Variants in PLEKHG5 observed in about 807,000 individuals in gnomAD.
The protein encoded by PLEKHG5 is pleckstrin homology and RhoGEF domain containing G5.
A neutral mutation model predicts 103.8 loss-of-function variants in PLEKHG5; 52 were observed. The observed-to-expected ratio is 0.50, with a 90% CI of 0.40 to 0.63. The LOEUF is 0.63. PLEKHG5 is among the 30% of genes least tolerant of loss of function. The probability of loss-of-function intolerance (pLI) is 0.00; values close to 1 mark genes in which losing one functional copy is unlikely to be tolerated. For synonymous variants in PLEKHG5, 592 were observed against 575.5 expected (o/e 1.03, Z -0.41); for missense variants, 1,205 against 1,347.6 (o/e 0.89, Z 1.66).
chr1:6,519,354 C>T (rs1217060870), intron 1 of PLEKHG5: 7 of 1,002,430 alleles, frequency 7.0e-6, no homozygotes, highest in Non-Finnish European at 1.1e-5. Context: ...AGTGTGAGTC[C>T]TTGGAGCCCT....
At chr1:6,517,332 A>G (rs1356311414) in intron 1 of PLEKHG5, among the ~76,000 whole-genome samples, 1 of 151,066 alleles carries the variant, frequency 6.6e-6, no homozygotes, top group African/African-American at 2.4e-5. Context: ...AAAAGATACA[A>G]CCAAGCATAT....
chr1:6,481,774 G>A, intron 1 of PLEKHG5, among the ~76,000 whole-genome samples: 1 of 150,614 alleles, frequency 6.6e-6, no homozygotes, highest in South Asian at 2.1e-4. Flanking sequence ...TGAGGCAGGA[G>A]AATTGTTTGA....
chr1:6,515,526 CA>C (rs369698031), intron 1 of PLEKHG5, among the ~76,000 whole-genome samples: 33 of 142,062 alleles, frequency 2.3e-4, no homozygotes, highest in East Asian at 1.4e-3. Flanking sequence ...GACACTGTCT[CA>C]AAAAAAAAAA....
At chr1:6,474,272 C>G in intron 6 of PLEKHG5, 108 bp from the exon 7 acceptor site, 1 of 1,422,688 alleles carries the variant, frequency 7.0e-7, no homozygotes, top group South Asian at 1.2e-5. Flanking sequence ...CTGCCCTCCC[C>G]CGACAGCCCC....
At chr1:6,518,149 G>T (rs1004641175) in intron 1 of PLEKHG5, among the ~76,000 whole-genome samples, 1 of 151,448 alleles carries the variant, frequency 6.6e-6, no homozygotes. Context: ...AGCCAGGATG[G>T]TCTTGATCTC....
chr1:6,509,471 G>A (rs897651101), intron 1 of PLEKHG5, among the ~76,000 whole-genome samples: 7 of 152,230 alleles, frequency 4.6e-5, no homozygotes, highest in South Asian at 2.1e-4. Flanking sequence ...GCAAGGTCTC[G>A]CTGAGTAAGG....
intron 1 of PLEKHG5, among the ~76,000 whole-genome samples, chr1:6,488,521 G>A (rs1243594626): frequency 2.6e-5 from 4 of 152,224 alleles, no homozygotes; most frequent in African/African-American, 4.8e-5. Flanking sequence ...GGGTCAGGGC[G>A]GATCACCAGA....
chr1:6,513,958 C>T (rs763710687), intron 1 of PLEKHG5, among the ~76,000 whole-genome samples: 4 of 152,224 alleles, frequency 2.6e-5, no homozygotes, highest in African/African-American at 4.8e-5. Context: ...ACAGAGGAGG[C>T]TGTTTCCTGA....
At chr1:6,479,001 A>C (rs184224251) in intron 1 of PLEKHG5, among the ~76,000 whole-genome samples, 2 of 151,086 alleles carry the variant, frequency 1.3e-5, no homozygotes, top group South Asian at 2.1e-4. Context: ...TGACATCCAC[A>C]TGCCCTCTGG....
chr1:6,499,017 G>A (rs1645266451), upstream of PLEKHG5, among the ~76,000 whole-genome samples: 1 of 152,228 alleles, frequency 6.6e-6, no homozygotes, highest in Admixed American at 6.5e-5. Flanking sequence ...ACGGGGACCT[G>A]GAGCCCTCAG....
intron 5 of PLEKHG5, 100 bp downstream of exon 5, chr1:6,474,947 C>T: frequency 1.2e-6 from 1 of 834,854 alleles, no homozygotes; most frequent in Non-Finnish European, 2.1e-6. Flanking sequence ...CGGGCCACCA[C>T]ACAGACACAC....
chr1:6,475,364 G>T, intron 4 of PLEKHG5, 98 bp downstream of exon 4: 1 of 1,069,542 alleles, frequency 9.3e-7, no homozygotes, highest in Non-Finnish European at 1.5e-6. Context: ...ACCCTGGGAT[G>T]CAGACCTCCC....
At chr1:6,470,680 T>C in intron 14 of PLEKHG5, 37 bp from the exon 15 acceptor site, 4 of 1,554,834 alleles carry the variant, frequency 2.6e-6, no homozygotes, top group Non-Finnish European at 1.7e-6. Context: ...TCCAGGGTCA[T>C]GACGGAGCAG....
chr1:6,473,588 T>G (rs1017681768), intron 7 of PLEKHG5, 134 bp from the exon 8 acceptor site: 1 of 677,416 alleles, frequency 1.5e-6, no homozygotes, highest in Non-Finnish European at 2.4e-6. Context: ...GGGTGTCCCC[T>G]CTCCTGGGAC....
chr1:6,489,176 C>T (rs1023873333), intron 1 of PLEKHG5, among the ~76,000 whole-genome samples: 2 of 152,200 alleles, frequency 1.3e-5, no homozygotes, highest in Non-Finnish European at 2.9e-5. Context: ...TGGGAGCCTG[C>T]TAGTCCCAAG....
intron 1 of PLEKHG5, among the ~76,000 whole-genome samples, chr1:6,481,044 G>A (rs929331732): frequency 6.6e-6 from 1 of 152,056 alleles, no homozygotes; most frequent in African/African-American, 2.4e-5. Context: ...CCTCAACCCA[G>A]CCACAGCTCA....
At chr1:6,516,232 T>G (rs1440580631) in intron 1 of PLEKHG5, among the ~76,000 whole-genome samples, 3 of 151,782 alleles carry the variant, frequency 2.0e-5, no homozygotes, top group African/African-American at 7.3e-5. Flanking sequence ...GAGACCAGCC[T>G]AAGCGATATA....
chr1:6,488,822 C>T (rs951844352), intron 1 of PLEKHG5, among the ~76,000 whole-genome samples: 2 of 152,104 alleles, frequency 1.3e-5, no homozygotes, highest in African/African-American at 4.8e-5. Context: ...TGAGTCAGGG[C>T]CGGCTTGTTG....
upstream of PLEKHG5, among the ~76,000 whole-genome samples, chr1:6,494,007 A>G (rs1209408433): frequency 6.6e-6 from 1 of 151,700 alleles, no homozygotes; most frequent in Non-Finnish European, 1.5e-5. Context: ...GCTGCAGTGC[A>G]GTGGCACAAT....
Sources: allele counts gnomAD v4.1 joint callset (sites outside exome capture counted in the v4.1 genomes callset), GRCh38; gene constraint gnomAD v4.1.1; transcripts MANE v1.5; gene names NCBI Gene and HGNC (gene_info 2026-07-23, HGNC 2026-07-21).